Variants in SLCO3A1 observed in about 807,000 individuals in gnomAD.
SLCO3A1 encodes solute carrier organic anion transporter family member 3A1.
SLCO3A1 carries 27 observed loss-of-function variants against 63.1 expected under a neutral mutation model. That is an observed-to-expected ratio of 0.43 (90% CI 0.32 to 0.59). The LOEUF (loss-of-function observed/expected upper bound fraction) is 0.59. Ranked by LOEUF, SLCO3A1 falls within the 20% of genes least tolerant of loss-of-function variation. SLCO3A1 has a pLI of 0.09. For synonymous variants in SLCO3A1, 473 were observed against 409.9 expected (o/e 1.15, Z -1.86); for missense variants, 773 against 945.8 (o/e 0.82, Z 2.40).
intron 2 of SLCO3A1, among the ~76,000 whole-genome samples, chr15:92,021,845 G>A (rs1213858412): frequency 6.6e-6 from 1 of 152,058 alleles, no homozygotes; most frequent in Admixed American, 6.6e-5. Context: ...ACGCCCGAGG[G>A]AGGCTGTGGG....
At chr15:92,021,147 G>A (rs2046504377) in intron 2 of SLCO3A1, among the ~76,000 whole-genome samples, 1 of 152,204 alleles carries the variant, frequency 6.6e-6, no homozygotes, top group South Asian at 2.1e-4. Flanking sequence ...TGTGCTTGTT[G>A]TCATCATCGC....
In SLCO3A1 at chr15:91,912,900, C is replaced by G. The variant is rs571357776; in HGVS notation, c.181-3093C>G. ...CGAGGCTCCCCAAAGCCCCCTACCTCCCAGGTCTTTAGGCTGCCTTCCTTT... is the reference window on the plus strand; with the variant it reads ...CGAGGCTCCCCAAAGCCCCCTACCTGCCAGGTCTTTAGGCTGCCTTCCTTT... On this transcript the variant is annotated intron_variant, in intron 1 of 9. Transcript: ENST00000318445. The surrounding 1 kb of genome is among the most constrained non-coding windows in gnomAD (Gnocchi z 5.0). 1.3e-5 allele frequency among the ~76,000 whole-genome samples: 2 copies of G among 152,224 alleles called. No homozygotes were observed. The highest frequency in any genetic ancestry group is 2.9e-5 in the Non-Finnish European group (2 of 68,036).
At chr15:92,014,444 G>A (rs1022754319) in intron 2 of SLCO3A1, among the ~76,000 whole-genome samples, 1 of 152,104 alleles carries the variant, frequency 6.6e-6, no homozygotes, top group Non-Finnish European at 1.5e-5. Context: ...TTCAATTACA[G>A]TCATAATTTA....
chr15:92,152,170 A>G (rs1020223851), intron 9 of SLCO3A1, among the ~76,000 whole-genome samples: 1 of 152,268 alleles, frequency 6.6e-6, no homozygotes, highest in African/African-American at 2.4e-5. Flanking sequence ...AAAGTTTTGA[A>G]TGAAATGTCT....
At chr15:91,937,902 T>C (rs1175442225) in intron 2 of SLCO3A1, among the ~76,000 whole-genome samples, 2 of 152,168 alleles carry the variant, frequency 1.3e-5, no homozygotes, top group African/African-American at 4.8e-5. Flanking sequence ...ACCTTGGTTT[T>C]CACATCTGTA....
chr15:92,031,015 TGAGG>T (rs57656534), intron 2 of SLCO3A1, among the ~76,000 whole-genome samples: 42,038 of 102,878 alleles, frequency 0.41, 8,515 homozygotes, highest in East Asian at 0.75. Context: ...CTGTACCCTG[TGAGG>T]GAGGGAGGGA....
At chr15:91,893,699 T>C (rs1224170492) in intron 1 of SLCO3A1, among the ~76,000 whole-genome samples, 1 of 152,216 alleles carries the variant, frequency 6.6e-6, no homozygotes, top group African/African-American at 2.4e-5. Flanking sequence ...TTCTCAAACA[T>C]CCGTGGGTGG....
chr15:92,073,492 A>G (rs951834532), intron 2 of SLCO3A1, among the ~76,000 whole-genome samples: 1 of 152,228 alleles, frequency 6.6e-6, no homozygotes, highest in African/African-American at 2.4e-5. Flanking sequence ...CTTTGGCAGA[A>G]AAGAGAGCAT....
chr15:92,134,418 T>C (rs75516563), intron 7 of SLCO3A1, among the ~76,000 whole-genome samples: 3,245 of 152,204 alleles, frequency 0.021, 114 homozygotes, highest in African/African-American at 0.074. Flanking sequence ...GGAAAGGAGC[T>C]CATGTTTACT....
intron 1 of SLCO3A1, among the ~76,000 whole-genome samples, chr15:91,857,823 T>C (rs995627942): frequency 6.6e-6 from 1 of 152,194 alleles, no homozygotes; most frequent in Admixed American, 6.5e-5. Flanking sequence ...GTTTGAGGCA[T>C]ACATACAAAT....
intron 7 of SLCO3A1, among the ~76,000 whole-genome samples, chr15:92,143,061 T>C (rs980007966): frequency 2.0e-5 from 3 of 151,646 alleles, no homozygotes; most frequent in African/African-American, 4.8e-5. Flanking sequence ...GCTACAAGTA[T>C]GTAGCCTCTC....
intron 2 of SLCO3A1, among the ~76,000 whole-genome samples, chr15:92,041,517 T>C (rs1334339592): frequency 6.6e-6 from 1 of 152,174 alleles, no homozygotes; most frequent in Admixed American, 6.5e-5. Context: ...GGGAAAGCAA[T>C]GGTAGACTAT....
In SLCO3A1 at chr15:91,967,909, C is replaced by T. The variant is rs180754799; in HGVS notation, c.646+51451C>T. Among the ~76,000 whole-genome samples, 198 of 152,298 alleles carry T rather than the reference C, an allele frequency of 1.3e-3. No homozygotes were observed. The highest frequency in any genetic ancestry group is 4.7e-3 in the African/African-American group (195 of 41,560). ...CACCAAGAGCTCTCAAGAGCAAATCCACAGGCAGCTAAATCAAGAAGGTGG... is the reference window on the plus strand; with the variant it reads ...CACCAAGAGCTCTCAAGAGCAAATCTACAGGCAGCTAAATCAAGAAGGTGG... On this transcript the variant is annotated intron_variant, in intron 2 of 9. Transcript: ENST00000318445. This position sits in a 1 kb window ranked among gnomAD's most constrained non-coding sequence, Gnocchi z 4.4.
chr15:91,889,097 A>G (rs1897804155), intron 1 of SLCO3A1: 1 of 1,184,834 alleles, frequency 8.4e-7, no homozygotes, highest in Non-Finnish European at 1.1e-6. Context: ...ACTTGTTATT[A>G]CAGAATAAAT....
intron 10 of SLCO3A1, chr15:92,171,713 C>T: frequency 8.9e-7 from 1 of 1,124,612 alleles, no homozygotes; most frequent in Non-Finnish European, 1.3e-6. Context: ...GCCTAACAAA[C>T]AGTAGGTGAA....
chr15:91,979,121 C>T (rs1028708786), intron 2 of SLCO3A1, among the ~76,000 whole-genome samples: 1 of 152,210 alleles, frequency 6.6e-6, no homozygotes, highest in East Asian at 1.9e-4. Flanking sequence ...CATCATTAAG[C>T]ATCAAGCGAG....
At chr15:92,034,569 C>T (rs2151482481) in intron 2 of SLCO3A1, among the ~76,000 whole-genome samples, 1 of 151,762 alleles carries the variant, frequency 6.6e-6, no homozygotes, top group South Asian at 2.1e-4. Flanking sequence ...AGAGGAAGAC[C>T]TGGCCCAGAG....
At chr15:92,097,049 G>C (rs962758993) in intron 3 of SLCO3A1, among the ~76,000 whole-genome samples, 2 of 152,184 alleles carry the variant, frequency 1.3e-5, no homozygotes, top group Non-Finnish European at 2.9e-5. Flanking sequence ...GGATAGAGAG[G>C]AGGCATACTC....
chr15:92,150,236 C>T (rs918917043), intron 8 of SLCO3A1, among the ~76,000 whole-genome samples: 1 of 152,112 alleles, frequency 6.6e-6, no homozygotes, highest in African/African-American at 2.4e-5. Context: ...TGTTTTTCTG[C>T]CTGCTTTATA....
Sources: gnomAD v4.1 joint callset for allele counts (sites outside exome capture counted in the v4.1 genomes callset) on GRCh38, gnomAD v4.1.1 for gene constraint, Gnocchi (gnomAD v3.1) non-coding constraint, MANE v1.5 for transcripts, NCBI Gene and HGNC (gene_info 2026-07-23, HGNC 2026-07-21) for gene names.